RAX: variants seen among roughly 807,000 people sequenced by gnomAD.
RAX encodes the protein retina and anterior neural fold homeobox.
In RAX, 11 loss-of-function variants were observed where a neutral mutation model predicts 17.4. The ratio of observed to expected loss-of-function variants is 0.63; its 90% CI spans 0.40 to 1.05. The LOEUF (loss-of-function observed/expected upper bound fraction) is 1.05, where lower values mean the gene tolerates loss of function less well. Among genes scored for constraint, RAX ranks in the 50% least tolerant of loss-of-function variants. The pLI is 0.00. For missense variants in RAX, 527 were observed against 501.1 expected (o/e 1.05, Z -0.49); for synonymous variants, 276 against 254.7 (o/e 1.08, Z -0.80).
In RAX at chr18:59,268,957, C is replaced by CGGT. The variant is rs772520948; in HGVS notation, c.*44_*46dup. The stretch of plus-strand genomic sequence containing the variant: ...GTCCCTGGGAGAGAGGATGCGGGTA[C>CGGT]GGTGCGGTCGGCCCGGGGTCGGATC... On this transcript the variant is annotated 3_prime_UTR_variant, in exon 3 of 3. Coordinates refer to ENST00000334889, the MANE Select transcript of RAX (RefSeq NM_013435.3). This position sits in a 1 kb window ranked among gnomAD's most constrained non-coding sequence, Gnocchi z 4.4. 3.2e-5 allele frequency: 52 copies of CGGT among 1,612,388 alleles called. No individual in the cohort carries two copies. The South Asian group carries it at 5.6e-4, about 17-fold the overall frequency.
chr18:59,269,194 A>T lies in RAX; in HGVS notation c.851T>A (p.Leu284Gln). ...YTPPPPPPPFLNSPPLGPGLQ... is the reference protein window; with the variant it reads ...YTPPPPPPPFQNSPPLGPGLQ... Reference sequence around the variant, plus strand: ...GCCGGGGCCCAACGGCGGGGAGTTCAGGAAGGGCGGAGGCGGCGGCGGTGG... The same window carrying T: ...GCCGGGGCCCAACGGCGGGGAGTTCTGGAAGGGCGGAGGCGGCGGCGGTGG... The change falls in exon 3 of 3, where the codon CTG (leucine) becomes CAG (glutamine). Residue 284 changes from leucine (L) to glutamine (Q), a missense_variant. Leu to Gln is a moderately radical substitution (Grantham distance 113). Transcript: ENST00000334889. 7 of 1,540,478 alleles carry T rather than the reference A, an allele frequency of 4.5e-6. No homozygotes were observed. The highest frequency in any genetic ancestry group is 6.1e-6 in the Non-Finnish European group (7 of 1,143,378).
Position 59,273,118 on chromosome 18 carries a change from G to A in RAX, c.89C>T (p.Ser30Leu), listed in dbSNP as rs2070355021. The change falls in exon 1 of 3, where the codon TCG (serine) becomes TTG (leucine). Residue 30 changes from serine to leucine, a missense_variant. By Grantham distance (145) the Ser-to-Leu change is moderately radical. Transcript: ENST00000334889. ...HLLRSPGGST[S>L]RLHSIEAILG... ...GATGGCCTCGATGCTGTGAAGTCGC[G>A]AGGTGCTCCCGCCCGGGCTGCGGAG... 3 of 1,535,062 alleles carry A rather than the reference G, an allele frequency of 2.0e-6. No homozygotes were observed. Among genetic ancestry groups the A allele is most frequent in the Admixed American group, 2.0e-5 (1 of 50,978 alleles).
At position 59,273,279 on chromosome 18, in the gene RAX, C is replaced by A; in HGVS notation, c.-73G>T. ...GCTCGAAGCCGGGTCTTCCCGAGTG[C>A]GGCGGTGCAACCCGACGGGTCCCGA... On this transcript the variant is annotated 5_prime_UTR_variant, in exon 1 of 3. Transcript: ENST00000334889. 6.9e-7 allele frequency: 1 copy of A among 1,443,180 alleles called. No individual in the cohort carries two copies. Among genetic ancestry groups the A allele is most frequent in the Non-Finnish European group, 9.2e-7 (1 of 1,088,516 alleles). The allele number at this position is 1,443,180 out of a possible 1,614,324, so 89.4% of individuals were successfully genotyped here. A position where few individuals can be genotyped will look rare whatever the true frequency, so the allele number is the denominator to read the frequency against.
In RAX at chr18:59,269,156, C is replaced by A. The variant is rs748352451; in HGVS notation, c.889G>T (p.Ala297Ser). The part of the protein sequence containing the change: ...PPLGPGLQPL[A>S]PPPPSYPCGP... ...CACGGGTAGGAGGGCGGCGGCGGCG[C>A]GAGAGGTTGCAGGCCGGGGCCCAAC... Residue 297 changes from alanine (A) to serine (S), a missense_variant, in exon 3 of 3, where the codon GCG becomes TCG. Ala to Ser is a moderately conservative substitution (Grantham distance 99). Transcript: ENST00000334889. 3.8e-6 allele frequency: 6 copies of A among 1,580,406 alleles called. No individual in the cohort carries two copies. The highest frequency in any genetic ancestry group is 1.8e-4 in the Middle Eastern group (1 of 5,710).
At position 59,273,072 on chromosome 18, in the gene RAX, G is replaced by A. The variant is rs1192712648; in HGVS notation, c.135C>T (p.Asp45=). Residue 45 remains aspartate (D), a synonymous_variant, in exon 1 of 3, where the codon GAC becomes GAT. Coordinates refer to ENST00000334889, the MANE Select transcript of RAX (RefSeq NM_013435.3). ...IEAILGFTKD[D]GILGTFPAER... is the part of the protein sequence containing the mutation. The stretch of plus-strand genomic sequence containing the variant: ...CCGCCGGGAAGGTGCCGAGGATCCC[G>A]TCGTCCTTGGTAAACCCCAGGATGG... 6.5e-7 allele frequency: 1 copy of A among 1,535,022 alleles called. No homozygotes were observed. Among genetic ancestry groups the A allele is most frequent in the Middle Eastern group, 1.7e-4 (1 of 5,974 alleles).
chr18:59,269,745 T>TC, intron 2 of RAX, among the ~76,000 whole-genome samples: 1 of 150,630 alleles, frequency 6.6e-6, no homozygotes, highest in African/African-American at 2.4e-5. Context: ...TCTCTTTTTT[T>TC]TTTTTTTTTG....
In RAX at chr18:59,273,325, G is replaced by A; in HGVS notation, c.-119C>T. On this transcript the variant is annotated 5_prime_UTR_variant, in exon 1 of 3. Coordinates refer to ENST00000334889, the MANE Select transcript of RAX (RefSeq NM_013435.3). ...CCCGACCCTAGGTCAAGCTCCGCGG[G>A]CGAAGCCCGCCCGGGCTGCGCACGC... 2 of 1,119,324 alleles carry A rather than the reference G, an allele frequency of 1.8e-6. No individual in the cohort carries two copies. Among genetic ancestry groups the A allele is most frequent in the Non-Finnish European group, 2.4e-6 (2 of 827,198 alleles). The allele number at this position is 1,119,324 out of a possible 1,614,324, so 69.3% of individuals were successfully genotyped here.
At position 59,268,505 on chromosome 18, in the gene RAX, C is replaced by G. The variant is rs879535282; in HGVS notation, c.*499G>C. 2.4e-5 allele frequency: 4 copies of G among 163,820 alleles called. No individual in the cohort carries two copies. The highest frequency in any genetic ancestry group is 2.6e-5 in the Non-Finnish European group (2 of 75,478). The allele number at this position is 163,820 out of a possible 1,614,324, so 10.1% of individuals were successfully genotyped here. A position where few individuals can be genotyped will look rare whatever the true frequency, so the allele number is the denominator to read the frequency against. ...TTCACTCCTCTCCCCAAGTCCTGAG[C>G]GTGCTTAAACAGAGTCGAAACAAAA... On this transcript the variant is annotated 3_prime_UTR_variant, in exon 3 of 3. Transcript: ENST00000334889. The surrounding 1 kb of genome is among the most constrained non-coding windows in gnomAD (Gnocchi z 4.4).
rs1184810802 is a variant in RAX at position 59,273,186 on chromosome 18, C to T, written c.21G>A (p.Ala7=). Residue 7 remains alanine, a synonymous_variant, in exon 1 of 3, where the codon GCG becomes GCA. Transcript: ENST00000334889. ...AGAAGCTCCCGTCGGCCATGGCTGG[C>T]GCGCAGCCCGGCAGGTGCATGGGGA... MHLPGC[A]PAMADGSFSL... 2.0e-6 allele frequency: 3 copies of T among 1,531,182 alleles called. No homozygotes were observed. Among genetic ancestry groups the T allele is most frequent in the Non-Finnish European group, 2.6e-6 (3 of 1,144,648 alleles). The allele number at this position is 1,531,182 out of a possible 1,614,324, so 94.8% of individuals were successfully genotyped here. A position where few individuals can be genotyped will look rare whatever the true frequency, so the allele number is the denominator to read the frequency against.
Position 59,272,543 on chromosome 18 carries a change from T to G in RAX, c.361A>C (p.Thr121Pro). The G allele has an allele frequency of 6.2e-7, 1 of 1,614,172 alleles. No homozygotes were observed. The highest frequency in any genetic ancestry group is 8.5e-7 in the Non-Finnish European group (1 of 1,180,016). Residue 121 changes from threonine (T) to proline (P), a missense_variant, in exon 2 of 3, where the codon ACC becomes CCC. Physicochemically the swap from Thr to Pro is conservative, Grantham distance 38. Transcript: ENST00000334889. ...PSPGLPVGPA[T>P]GEAKLSEEEQ... ...TCCTCTGACAGTTTCGCTTCGCCGG[T>G]GGCTGGCCCGACGGGCAGCCCTGGG...
chr18:59,268,736 G>C lies in RAX; in HGVS notation c.*268C>G. ...CGGTGATGGGAGCGGCGTGGCCAGC[G>C]GGGCCCGGCAGCCTGTTGCCCTCCA... On this transcript the variant is annotated 3_prime_UTR_variant, in exon 3 of 3. Transcript: ENST00000334889. This position sits in a 1 kb window ranked among gnomAD's most constrained non-coding sequence, Gnocchi z 4.4. The C allele has an allele frequency of 1.7e-6, 1 of 578,368 alleles. No individual in the cohort carries two copies. Among genetic ancestry groups the C allele is most frequent in the Non-Finnish European group, 3.0e-6 (1 of 333,388 alleles). 35.8% of individuals were successfully genotyped at this position (578,368 alleles called of 1,614,324 possible).
rs1202442561 is a variant in RAX, at chr18:59,272,545, G to C, written c.359C>G (p.Ala120Gly). The C allele has an allele frequency of 3.1e-6, 5 of 1,614,200 alleles. No homozygotes were observed. The Admixed American group carries it at 6.7e-5, about 22-fold the overall frequency. The change falls in exon 2 of 3, where the codon GCC becomes GGC. Residue 120 changes from alanine to glycine, a missense_variant. By Grantham distance (60) the Ala-to-Gly change is moderately conservative. Coordinates refer to ENST00000334889, the MANE Select transcript of RAX (RefSeq NM_013435.3). ...CTCTGACAGTTTCGCTTCGCCGGTG[G>C]CTGGCCCGACGGGCAGCCCTGGGCT... ...RPSPGLPVGP[A>G]TGEAKLSEEE...
chr18:59,268,457 C>T lies in RAX; in HGVS notation c.*547G>A, dbSNP rs2070301532. 1 of 154,580 alleles carries T rather than the reference C, an allele frequency of 6.5e-6. No homozygotes were observed. The highest frequency in any genetic ancestry group is 1.4e-5 in the Non-Finnish European group (1 of 69,566). The allele number at this position is 154,580 out of a possible 1,614,324, so 9.6% of individuals were successfully genotyped here. A position where few individuals can be genotyped will look rare whatever the true frequency, so the allele number is the denominator to read the frequency against. On this transcript the variant is annotated 3_prime_UTR_variant, in exon 3 of 3. Coordinates refer to ENST00000334889, the MANE Select transcript of RAX (RefSeq NM_013435.3). This position sits in a 1 kb window ranked among gnomAD's most constrained non-coding sequence, Gnocchi z 4.4. ...CCCTGACCCACCCTGTCCGTCAACG[C>T]ACCCTCCTCCCGTACCCCAATATTC...
chr18:59,270,747 G>A (rs1019692413), intron 2 of RAX, among the ~76,000 whole-genome samples: 2 of 152,172 alleles, frequency 1.3e-5, no homozygotes, highest in Non-Finnish European at 2.9e-5. Flanking sequence ...TGCAATTAGG[G>A]AGAAAAAGAG....
At chr18:59,269,730 CT>C (rs1568096930) in intron 2 of RAX, among the ~76,000 whole-genome samples, 2 of 112,948 alleles carry the variant, frequency 1.8e-5, no homozygotes, top group Non-Finnish European at 3.8e-5. Flanking sequence ...CTCTCTCTCT[CT>C]CTCTCTCTTT....
rs898046735 is a variant in RAX, at chr18:59,268,040, T to G, written c.*964A>C. ...CTCTTTGCCTCAGTTCTTGTACCGC[T>G]GGTGATCAACCTTGGGTGTTAGGGA... On this transcript the variant is annotated 3_prime_UTR_variant, in exon 3 of 3. Coordinates refer to ENST00000334889, the MANE Select transcript of RAX (RefSeq NM_013435.3). This position sits in a 1 kb window ranked among gnomAD's most constrained non-coding sequence, Gnocchi z 4.4. The G allele has an allele frequency of 2.6e-5, 4 of 152,232 alleles. No homozygotes were observed. Among genetic ancestry groups the G allele is most frequent in the African/African-American group, 9.7e-5 (4 of 41,430 alleles). The allele number at this position is 152,232 out of a possible 1,614,324, so 9.4% of individuals were successfully genotyped here. A position where few individuals can be genotyped will look rare whatever the true frequency, so the allele number is the denominator to read the frequency against.
At chr18:59,271,959 G>A (rs1041904919) in intron 2 of RAX, among the ~76,000 whole-genome samples, 20 of 152,180 alleles carry the variant, frequency 1.3e-4, no homozygotes, top group Admixed American at 1.3e-4. Context: ...TTTCCAACTC[G>A]GTATTCGCAG....
rs967693376 is a variant in RAX, at chr18:59,267,908, C to T, written c.*1096G>A. On this transcript the variant is annotated 3_prime_UTR_variant, in exon 3 of 3. Transcript: ENST00000334889. Reference sequence around the variant, plus strand: ...GCGTAGGGCGCTCCAGGACACTCTCCGAGCGCGGCACCTCACCAGACGCGC... The same window carrying T: ...GCGTAGGGCGCTCCAGGACACTCTCTGAGCGCGGCACCTCACCAGACGCGC... 1.3e-5 allele frequency: 2 copies of T among 152,242 alleles called. No individual in the cohort carries two copies. The highest frequency in any genetic ancestry group is 1.3e-4 in the Admixed American group (2 of 15,284). The allele number at this position is 152,242 out of a possible 1,614,324, so 9.4% of individuals were successfully genotyped here.
Position 59,272,910 on chromosome 18 carries a change from G to A in RAX, c.289+8C>T. ...AACGGCCTCGCACAGCCAGGGGTGC[G>A]CACTCACCTTCGTACTCGGGGGCGG... On this transcript the variant is annotated splice_region_variant and intron_variant, in intron 1 of 2. Transcript: ENST00000334889. 5 of 1,488,394 alleles carry A rather than the reference G, an allele frequency of 3.4e-6. No individual in the cohort carries two copies. Among genetic ancestry groups the A allele is most frequent in the African/African-American group, 1.4e-5 (1 of 69,254 alleles). 92.2% of individuals were successfully genotyped at this position (1,488,394 alleles called of 1,614,324 possible).
Sources: gnomAD v4.1 joint callset for allele counts (sites outside exome capture counted in the v4.1 genomes callset) on GRCh38, gnomAD v4.1.1 for gene constraint, Gnocchi (gnomAD v3.1) non-coding constraint, MANE v1.5 for transcripts, NCBI Gene and HGNC (gene_info 2026-07-23, HGNC 2026-07-21) for gene names.